Variants in ARHGAP15 observed in about 807,000 individuals in gnomAD.
ARHGAP15 encodes the protein rho GTPase-activating protein 15.
In ARHGAP15, 51 loss-of-function variants were observed where a neutral mutation model predicts 63.7. That is an observed-to-expected ratio of 0.80 (90% confidence interval 0.64 to 1.01). The LOEUF (loss-of-function observed/expected upper bound fraction) is 1.01. ARHGAP15 is among the 50% of genes least tolerant of loss of function. The pLI is 0.00. For missense variants in ARHGAP15, 560 were observed against 564.6 expected (o/e 0.99, Z 0.08); for synonymous variants, 191 against 193.8 (o/e 0.99, Z 0.12).
chr2:143,136,848 A>G (rs1689162127), intron 1 of ARHGAP15, among the ~76,000 whole-genome samples: 1 of 152,074 alleles, frequency 6.6e-6, no homozygotes, highest in South Asian at 2.1e-4. Flanking sequence ...GCTCTTATTG[A>G]ATAACTTTGT....
At chr2:143,531,116 A>ATGTGTGTGCGCGTGGG (rs767978773) in intron 10 of ARHGAP15, among the ~76,000 whole-genome samples, 6 of 27,442 alleles carry the variant, frequency 2.2e-4, no homozygotes, top group Admixed American at 1.7e-3. Flanking sequence ...CTGTGTGTGT[A>ATGTGTGTGCGCGTGGG]TGTGTGTGCG....
At chr2:143,581,309 G>T (rs1332861855) in intron 11 of ARHGAP15, among the ~76,000 whole-genome samples, 1 of 152,028 alleles carries the variant, frequency 6.6e-6, no homozygotes, top group Non-Finnish European at 1.5e-5. Flanking sequence ...GCAACTTGCT[G>T]TGCCAGCTGG....
chr2:143,714,389 C>T (rs574114619), intron 13 of ARHGAP15, among the ~76,000 whole-genome samples: 1 of 152,192 alleles, frequency 6.6e-6, no homozygotes, highest in Non-Finnish European at 1.5e-5. Context: ...ACTGTTTCCT[C>T]CTGGGCCTCT....
At chr2:143,425,753 ATAGT>A (rs1245922435) in intron 6 of ARHGAP15, among the ~76,000 whole-genome samples, 2 of 28,296 alleles carry the variant, frequency 7.1e-5, no homozygotes, top group African/African-American at 1.4e-4. Flanking sequence ...AATTACATAG[ATAGT>A]TAGTTTCATT....
intron 6 of ARHGAP15, among the ~76,000 whole-genome samples, chr2:143,336,036 T>A (rs1684757218): frequency 6.6e-6 from 1 of 152,122 alleles, no homozygotes; most frequent in Non-Finnish European, 1.5e-5. Flanking sequence ...GTTCTCACCA[T>A]GTCACCCAGG....
intron 6 of ARHGAP15, among the ~76,000 whole-genome samples, chr2:143,260,801 T>C (rs900062891): frequency 2.0e-5 from 3 of 152,198 alleles, no homozygotes; most frequent in African/African-American, 7.2e-5. Flanking sequence ...ATTTGGCTTA[T>C]GGAAGAATGT....
chr2:143,282,270 C>T (rs888906067), intron 6 of ARHGAP15, among the ~76,000 whole-genome samples: 8 of 151,924 alleles, frequency 5.3e-5, no homozygotes, highest in Non-Finnish European at 1.5e-5. Context: ...GGCATGCATC[C>T]ATCTCTCATT....
chr2:143,357,375 G>A (rs1445663401), intron 6 of ARHGAP15, among the ~76,000 whole-genome samples: 1 of 150,994 alleles, frequency 6.6e-6, no homozygotes, highest in Non-Finnish European at 1.5e-5. Flanking sequence ...TTAGGCACTT[G>A]ACCTGAAGCA....
chr2:143,744,598 G>A (rs1468324418), intron 13 of ARHGAP15, among the ~76,000 whole-genome samples: 2 of 152,188 alleles, frequency 1.3e-5, no homozygotes, highest in Non-Finnish European at 2.9e-5. Context: ...ACAAGAGTGC[G>A]AATGTATAAA....
chr2:143,411,983 A>C (rs1688466464), intron 6 of ARHGAP15, among the ~76,000 whole-genome samples: 1 of 152,192 alleles, frequency 6.6e-6, no homozygotes, highest in South Asian at 2.1e-4. Flanking sequence ...GCACAGAGCA[A>C]GAGGCTGAGG....
intron 12 of ARHGAP15, 60 bp from the exon 13 acceptor site, chr2:143,703,359 G>T: frequency 7.1e-7 from 1 of 1,417,416 alleles, no homozygotes. Context: ...ATTTTCTCAT[G>T]TACCTGTACC....
chr2:143,278,949 T>C (rs968861257), intron 6 of ARHGAP15, among the ~76,000 whole-genome samples: 1 of 151,852 alleles, frequency 6.6e-6, no homozygotes, highest in East Asian at 1.9e-4. Flanking sequence ...GTGCTGTTTT[T>C]ACTCAAATAG....
At chr2:143,516,255 A>G (rs1185676499) in intron 9 of ARHGAP15, among the ~76,000 whole-genome samples, 2 of 152,230 alleles carry the variant, frequency 1.3e-5, no homozygotes, top group Non-Finnish European at 2.9e-5. Flanking sequence ...TAGCCACTCA[A>G]GATGTTCTTT....
chr2:143,466,704 C>T (rs958952079), intron 8 of ARHGAP15, among the ~76,000 whole-genome samples: 6 of 152,016 alleles, frequency 3.9e-5, no homozygotes, highest in Admixed American at 2.6e-4. Flanking sequence ...TTGAGGGGCT[C>T]GTCTATCCTC....
chr2:143,490,363 G>T (rs938571454), intron 9 of ARHGAP15, among the ~76,000 whole-genome samples: 1 of 152,102 alleles, frequency 6.6e-6, no homozygotes, highest in African/African-American at 2.4e-5. Context: ...AGGAGGCTGG[G>T]CTTTGAATTC....
chr2:143,679,087 A>C lies in ARHGAP15; in HGVS notation c.1139-24332A>C, dbSNP rs1019774810. 6.6e-5 allele frequency among the ~76,000 whole-genome samples: 10 copies of C among 152,306 alleles called. No homozygotes were observed. The South Asian group carries it at 1.7e-3, about 25-fold the overall frequency. ...CTTTGCTAGTTGATTAGAAAAGTCA[A>C]TCATAAATGCTATCAGAATAGGTCA... is the stretch of plus-strand genomic sequence containing the variant. On this transcript the variant is annotated intron_variant, in intron 12 of 13. Transcript: ENST00000295095.
chr2:143,404,898 C>G (rs1490274347), intron 6 of ARHGAP15, among the ~76,000 whole-genome samples: 1 of 151,940 alleles, frequency 6.6e-6, no homozygotes, highest in African/African-American at 2.4e-5. Context: ...GTGGTGAGAA[C>G]TTACACATTA....
At chr2:143,261,912 G>A in intron 6 of ARHGAP15, among the ~76,000 whole-genome samples, 3 of 152,244 alleles carry the variant, frequency 2.0e-5, no homozygotes, top group Middle Eastern at 6.8e-3. Flanking sequence ...CCCAAGGATA[G>A]ACAAGATGAA....
intron 3 of ARHGAP15, among the ~76,000 whole-genome samples, chr2:143,203,603 C>T (rs1385882497): frequency 1.3e-5 from 2 of 151,982 alleles, no homozygotes; most frequent in South Asian, 2.1e-4. Flanking sequence ...AACAAATAAG[C>T]ACATATATCC....
Sources: allele counts gnomAD v4.1 joint callset (sites outside exome capture counted in the v4.1 genomes callset), GRCh38; gene constraint gnomAD v4.1.1; transcripts MANE v1.5; gene names NCBI Gene and HGNC (gene_info 2026-07-23, HGNC 2026-07-21).